The following COL4A4 variants were observed in gnomAD, a reference collection of about 807,000 sequenced individuals.
COL4A4 encodes the protein collagen type IV alpha 4 chain, also known as collagen alpha-4(IV) chain.
COL4A4 carries 105 observed loss-of-function variants against 192.9 expected under a neutral mutation model. The observed-to-expected ratio is 0.54, with a 90% confidence interval of 0.46 to 0.64. COL4A4 has a LOEUF of 0.64. Ranked by LOEUF, COL4A4 falls within the 30% of genes least tolerant of loss-of-function variation. COL4A4 has a pLI of 0.00. For synonymous variants in COL4A4, 762 were observed against 769.9 expected (o/e 0.99, Z 0.17); for missense variants, 1,967 against 2,169.3 (o/e 0.91, Z 1.85).
downstream of COL4A4, among the ~76,000 whole-genome samples, chr2:227,000,785 G>A (rs544961927): frequency 2.1e-4 from 32 of 152,084 alleles, no homozygotes; most frequent in African/African-American, 6.3e-4. Context: ...GAGGGGACTC[G>A]GTGGGAGGTC....
chr2:227,057,451 G>A lies in COL4A4; in HGVS notation c.2533C>T (p.Pro845Ser), dbSNP rs775678728. Residue 845 changes from proline (P) to serine (S), a missense_variant, in exon 29 of 48, where the codon CCA becomes TCA. Coordinates refer to ENST00000396625, the MANE Select transcript of COL4A4 (RefSeq NM_000092.5). ...TCTTGACACTTACCTGGGCTACCTG[G>A]ATACCCAGGGAGTCCCGGTTGCCCT... ...IPGQPGLPGY[P>S]GSPGAPGGKG... The A allele has an allele frequency of 8.1e-6, 13 of 1,606,912 alleles. No homozygotes were observed. The highest frequency in any genetic ancestry group is 1.1e-5 in the Non-Finnish European group (13 of 1,176,586).
chr2:227,151,011 C>A (rs1224899985), intron 1 of COL4A4, among the ~76,000 whole-genome samples: 2 of 151,860 alleles, frequency 1.3e-5, no homozygotes, highest in Non-Finnish European at 2.9e-5. Context: ...AAAACTACTA[C>A]AGCATTATTT....
intron 3 of COL4A4, among the ~76,000 whole-genome samples, chr2:227,141,052 C>A (rs1197337395): frequency 6.6e-6 from 1 of 152,206 alleles, no homozygotes; most frequent in East Asian, 1.9e-4. Context: ...ACAGCAATCA[C>A]CATGATGCAC....
chr2:227,145,321 C>A (rs953308159), intron 2 of COL4A4, among the ~76,000 whole-genome samples: 6 of 152,016 alleles, frequency 3.9e-5, no homozygotes, highest in African/African-American at 1.4e-4. Context: ...GTGGTGCATG[C>A]CTGTAACCCC....
chr2:227,141,945 G>GA (rs1431215642), intron 3 of COL4A4, among the ~76,000 whole-genome samples: 1 of 151,546 alleles, frequency 6.6e-6, no homozygotes, highest in African/African-American at 2.4e-5. Flanking sequence ...ACAACTAGAG[G>GA]AAAAAAAATA....
chr2:227,059,399 T>TCATA lies in COL4A4; in HGVS notation c.2383+2_2383+5dup, dbSNP rs1553643488. 1.4e-5 allele frequency: 22 copies of TCATA among 1,612,990 alleles called. No homozygotes were observed. The highest frequency in any genetic ancestry group is 1.8e-5 in the Non-Finnish European group (21 of 1,179,030). On this transcript the variant is annotated splice_donor_region_variant and intron_variant, in intron 28 of 47. Transcript: ENST00000396625. ...ATGCACCAAAAGGACAGCAAAGCCC[T>TCATA]CATACCTTCAGCCCCTGGACATCCC...
At position 227,081,798 on chromosome 2, in the gene COL4A4, A is replaced by G. The variant is rs542432966; in HGVS notation, c.1696+317T>C. Among the ~76,000 whole-genome samples the G allele has an allele frequency of 2.8e-4, 42 of 152,328 alleles. 1 individual carries two copies. The South Asian group carries it at 5.0e-3, about 18-fold the overall frequency. On this transcript the variant is annotated intron_variant, in intron 23 of 47. Coordinates refer to ENST00000396625, the MANE Select transcript of COL4A4 (RefSeq NM_000092.5). The stretch of plus-strand genomic sequence containing the variant: ...TTCTTTCATTTACAATGAAAATATT[A>G]TTGACTAATATAGAATACTGTAATG...
chr2:227,109,065 AAGATGG>A, intron 10 of COL4A4, 153 bp downstream of exon 10: 1 of 895,704 alleles, frequency 1.1e-6, no homozygotes, highest in Non-Finnish European at 1.9e-6. Flanking sequence ...CCTGTGCTTC[AAGATGG>A]AGTCCCACTG....
At chr2:227,041,828 GAAAGAAAGAAAGAAAGAAAGAGAAAGAA>G (rs1971197927) in intron 37 of COL4A4, among the ~76,000 whole-genome samples, 2 of 51,892 alleles carry the variant, frequency 3.9e-5, no homozygotes, top group Non-Finnish European at 6.6e-5. Context: ...AAGAAAGAAA[GAAAGAAAGAAAGAAAGAAAGAGAAAGAA>G]AGAAAGAAAG....
chr2:227,130,462 C>T (rs1208466806), intron 4 of COL4A4, among the ~76,000 whole-genome samples: 1 of 152,128 alleles, frequency 6.6e-6, no homozygotes, highest in Non-Finnish European at 1.5e-5. Context: ...CCACTCAACT[C>T]TCCCTCCTTC....
At chr2:227,019,074 G>A (rs992019528) in intron 44 of COL4A4, among the ~76,000 whole-genome samples, 2 of 152,204 alleles carry the variant, frequency 1.3e-5, no homozygotes, top group Non-Finnish European at 2.9e-5. Flanking sequence ...CAATTTTGAT[G>A]TTGAGGTGGA....
intron 23 of COL4A4, among the ~76,000 whole-genome samples, chr2:227,081,758 G>A (rs1036752168): frequency 6.6e-6 from 1 of 150,752 alleles, no homozygotes; most frequent in East Asian, 1.9e-4. Context: ...TTAAAAAAAC[G>A]ATTTCAAGCT....
At chr2:226,967,659 A>G in the COL4A4 span, among the ~76,000 whole-genome samples, 1 of 151,686 alleles carries the variant, frequency 6.6e-6, no homozygotes, top group Non-Finnish European at 1.5e-5. Flanking sequence ...TTGTTGTAGT[A>G]ATTTTTCTGT....
At chr2:226,999,480 C>T (rs763453082), downstream of COL4A4, among the ~76,000 whole-genome samples, 40 of 152,110 alleles carry the variant, frequency 2.6e-4, no homozygotes, top group Non-Finnish European at 4.1e-4. Flanking sequence ...TGAGTAGTAC[C>T]GAATCTTGCC....
chr2:227,097,591 GAC>G (rs1185899369), intron 19 of COL4A4, among the ~76,000 whole-genome samples: 2 of 152,138 alleles, frequency 1.3e-5, no homozygotes, highest in African/African-American at 4.8e-5. Flanking sequence ...ATATGCTGGA[GAC>G]ACTATTCTAT....
intron 14 of COL4A4, 57 bp downstream of exon 14, chr2:227,103,087 T>C (rs1428817942): frequency 2.1e-5 from 30 of 1,448,898 alleles, no homozygotes; most frequent in Non-Finnish European, 2.9e-5. Flanking sequence ...AATAACATTT[T>C]AAGTTAAGAT....
chr2:227,103,102 CA>C (rs2060616099), intron 14 of COL4A4, 41 bp downstream of exon 14: 1 of 1,501,672 alleles, frequency 6.7e-7, no homozygotes, highest in African/African-American at 1.6e-5. Flanking sequence ...TAAGATAGTA[CA>C]TCACACAAAT....
Position 227,114,716 on chromosome 2 carries a change from G to A in COL4A4, c.490-20C>T. The A allele has an allele frequency of 6.4e-7, 1 of 1,573,126 alleles. No individual in the cohort carries two copies. Among genetic ancestry groups the A allele is most frequent in the Non-Finnish European group, 8.8e-7 (1 of 1,142,672 alleles). On this transcript the variant is annotated intron_variant, in intron 7 of 47. Coordinates refer to ENST00000396625, the MANE Select transcript of COL4A4 (RefSeq NM_000092.5). ...ATGGCCCTGAAAATAAAATATGTAT[G>A]TACTTAACAGGAAAATAGCATATTA...
At chr2:226,988,468 G>T in the COL4A4 span, 10 of 1,547,154 alleles carry the variant, frequency 6.5e-6, no homozygotes, top group Non-Finnish European at 7.9e-6. Flanking sequence ...GAGGCTGCAG[G>T]GTCCCTGTAG....
Sources: allele counts gnomAD v4.1 joint callset (sites outside exome capture counted in the v4.1 genomes callset), GRCh38; gene constraint gnomAD v4.1.1; transcripts MANE v1.5; gene names NCBI Gene and HGNC (gene_info 2026-07-23, HGNC 2026-07-21).